Variants in SUPT3H observed in about 807,000 individuals in gnomAD.
The protein encoded by SUPT3H is transcription initiation protein SPT3 homolog.
A neutral mutation model predicts 44.3 loss-of-function variants in SUPT3H; 44 were observed. The ratio of observed to expected loss-of-function variants is 0.99; its 90% CI spans 0.78 to 1.28. SUPT3H has a LOEUF of 1.28. Among genes scored for constraint, SUPT3H ranks in the 50% most tolerant of loss-of-function variants. SUPT3H has a pLI of 0.00. For synonymous variants in SUPT3H, 124 were observed against 125.6 expected (o/e 0.99, Z 0.09); for missense variants, 380 against 387.1 (o/e 0.98, Z 0.15).
At chr6:44,926,598 A>G (rs543499384) in intron 10 of SUPT3H, among the ~76,000 whole-genome samples, 2 of 152,304 alleles carry the variant, frequency 1.3e-5, no homozygotes, top group East Asian at 3.9e-4. Flanking sequence ...GTAAATATAT[A>G]AAAATGTTCA....
intron 9 of SUPT3H, among the ~76,000 whole-genome samples, chr6:44,937,494 A>C (rs74765313): frequency 2.9e-5 from 4 of 139,826 alleles, no homozygotes; most frequent in African/African-American, 1.1e-4. Flanking sequence ...ACACTGTCTC[A>C]AAAAAAAAAA....
chr6:44,897,428 C>G (rs1018586995), intron 10 of SUPT3H, among the ~76,000 whole-genome samples: 1 of 152,254 alleles, frequency 6.6e-6, no homozygotes, highest in Non-Finnish European at 1.5e-5. Flanking sequence ...GGTCTTTTAT[C>G]CAACAGAAAT....
chr6:45,230,565 A>ATCCATCCCT (rs142039054), intron 2 of SUPT3H, among the ~76,000 whole-genome samples: 86,642 of 146,596 alleles, frequency 0.59, 26,608 homozygotes, highest in African/African-American at 0.75. Context: ...GACTATCCTT[A>ATCCATCCCT]TCCATCCCTT....
At chr6:44,970,804 A>G (rs778836692) in intron 6 of SUPT3H, among the ~76,000 whole-genome samples, 1 of 152,224 alleles carries the variant, frequency 6.6e-6, no homozygotes, top group African/African-American at 2.4e-5. Flanking sequence ...AAAAATATAT[A>G]AAGCCATTAA....
rs376569824 is a variant in SUPT3H at position 45,236,049 on chromosome 6, T to C, written c.101+129152A>G. Among the ~76,000 whole-genome samples the C allele has an allele frequency of 1.7e-4, 26 of 152,186 alleles. 1 individual carries two copies. The East Asian group carries it at 3.3e-3, about 19-fold the overall frequency. ...AGGAATACTTTTAGTTAATCTGTAA[T>C]CTATAGAAACAATGTTTATCACTGG... On this transcript the variant is annotated intron_variant, in intron 2 of 10. Transcript: ENST00000371459.
intron 10 of SUPT3H, among the ~76,000 whole-genome samples, chr6:44,904,054 A>G (rs1268431003): frequency 6.6e-6 from 1 of 152,208 alleles, no homozygotes; most frequent in African/African-American, 2.4e-5. Flanking sequence ...GCTATCTATG[A>G]CAAACCCATA....
At chr6:44,906,162 C>A (rs559396496) in intron 10 of SUPT3H, among the ~76,000 whole-genome samples, 73 of 152,000 alleles carry the variant, frequency 4.8e-4, no homozygotes, top group African/African-American at 1.7e-3. Flanking sequence ...ACCCTAAAAC[C>A]TAAAGTATAA....
At chr6:45,169,214 T>G (rs896212210) in intron 2 of SUPT3H, among the ~76,000 whole-genome samples, 1 of 152,242 alleles carries the variant, frequency 6.6e-6, no homozygotes, top group African/African-American at 2.4e-5. Context: ...TGGTATAATT[T>G]GGTCTCACAT....
At chr6:45,077,325 G>A (rs910842883) in intron 3 of SUPT3H, among the ~76,000 whole-genome samples, 145 of 152,154 alleles carry the variant, frequency 9.5e-4, no homozygotes, top group African/African-American at 3.2e-3. Context: ...CTTATGATAG[G>A]TGTTTAAGAA....
intron 6 of SUPT3H, among the ~76,000 whole-genome samples, chr6:44,991,376 G>C (rs566441165): frequency 6.6e-6 from 1 of 152,144 alleles, no homozygotes; most frequent in South Asian, 2.1e-4. Flanking sequence ...AGAAAATGGA[G>C]AATCATGAAA....
At chr6:45,130,708 AC>A (rs371066154) in intron 2 of SUPT3H, among the ~76,000 whole-genome samples, 35,413 of 114,040 alleles carry the variant, frequency 0.31, 6,072 homozygotes, top group Non-Finnish European at 0.37. Flanking sequence ...AAAAAAAAAA[AC>A]CACTTTTTTT....
At position 45,234,589 on chromosome 6, in the gene SUPT3H, C is replaced by A. The variant is rs1040547794; in HGVS notation, c.102-128583G>T. 4.0e-5 allele frequency among the ~76,000 whole-genome samples: 6 copies of A among 150,210 alleles called. No individual in the cohort carries two copies. In the East Asian group the frequency reaches 9.7e-4, roughly 24 times the overall value. ...AATACATATATATATACACACATGA[C>A]CTGAAGTTCTAAATTATTATTGGGC... On this transcript the variant is annotated intron_variant, in intron 2 of 10. Coordinates refer to ENST00000371459, the MANE Select transcript of SUPT3H (RefSeq NM_003599.4).
At chr6:45,314,888 T>C (rs573070570) in intron 2 of SUPT3H, among the ~76,000 whole-genome samples, 8 of 152,240 alleles carry the variant, frequency 5.3e-5, no homozygotes, top group African/African-American at 1.7e-4. Context: ...TTTCAAAATA[T>C]ACTATGAGGC....
chr6:45,128,035 CT>C (rs886251719), intron 2 of SUPT3H, among the ~76,000 whole-genome samples: 1 of 152,094 alleles, frequency 6.6e-6, no homozygotes, highest in Non-Finnish European at 1.5e-5. Context: ...CATTATACCC[CT>C]CTTTATTACC....
chr6:44,833,886 T>C (rs1769321245), intron 10 of SUPT3H, among the ~76,000 whole-genome samples: 1 of 152,178 alleles, frequency 6.6e-6, no homozygotes, highest in African/African-American at 2.4e-5. Flanking sequence ...TACAATTTTA[T>C]TTCAAATTTA....
intron 10 of SUPT3H, among the ~76,000 whole-genome samples, chr6:44,864,398 C>T (rs1438820778): frequency 6.6e-6 from 1 of 152,180 alleles, no homozygotes; most frequent in African/African-American, 2.4e-5. Context: ...CTAGGTGATG[C>T]CCCAGTAGGG....
chr6:45,175,012 T>TAAAAAA (rs57838175), intron 2 of SUPT3H, among the ~76,000 whole-genome samples: 5 of 62,530 alleles, frequency 8.0e-5, no homozygotes, highest in African/African-American at 1.3e-4. Context: ...CCCTCGTCAC[T>TAAAAAA]AAAAAAAAAA....
intron 2 of SUPT3H, among the ~76,000 whole-genome samples, chr6:45,325,689 T>C (rs1056940345): frequency 7.2e-5 from 11 of 151,966 alleles, no homozygotes; most frequent in Admixed American, 2.0e-4. Flanking sequence ...TTTCTGATTA[T>C]AACCATGGTA....
intron 2 of SUPT3H, among the ~76,000 whole-genome samples, chr6:45,231,221 T>C (rs1479868820): frequency 1.1e-4 from 17 of 152,192 alleles, no homozygotes; most frequent in Admixed American, 9.8e-4. Flanking sequence ...ATGGTAACTG[T>C]CACCCTTTTG....
Sources: gnomAD v4.1 joint callset for allele counts (sites outside exome capture counted in the v4.1 genomes callset) on GRCh38, gnomAD v4.1.1 for gene constraint, MANE v1.5 for transcripts, NCBI Gene and HGNC (gene_info 2026-07-23, HGNC 2026-07-21) for gene names.